Variants in TIAM2 observed in about 807,000 individuals in gnomAD.
The protein encoded by TIAM2 is rho guanine nucleotide exchange factor TIAM2.
Under a neutral mutation model 152.9 loss-of-function variants are expected in TIAM2, and 80 were observed. The ratio of observed to expected loss-of-function variants is 0.52; its 90% CI spans 0.44 to 0.63. The LOEUF (loss-of-function observed/expected upper bound fraction) is 0.63, where lower values mean the gene tolerates loss of function less well. Ranked by LOEUF, TIAM2 falls within the 30% of genes least tolerant of loss-of-function variation. The pLI, the probability that TIAM2 is intolerant of heterozygous loss-of-function variation, is 0.00. For synonymous variants in TIAM2, 804 were observed against 838.0 expected, an observed-to-expected ratio of 0.96 and a Z score of 0.70; for missense variants, 1,965 against 2,120.1, an observed-to-expected ratio of 0.93 and a Z score of 1.44.
At chr6:155,135,019 A>G (rs1409642886) in intron 4 of TIAM2, among the ~76,000 whole-genome samples, 1 of 152,050 alleles carries the variant, frequency 6.6e-6, no homozygotes, top group East Asian at 1.9e-4. Flanking sequence ...GTTTTTGAAA[A>G]GCAACAAATT....
Position 155,061,451 on chromosome 6 carries a change from T to A in TIAM2, c.-208-28838T>A, listed in dbSNP as rs1413895426. 2.0e-5 allele frequency among the ~76,000 whole-genome samples: 3 copies of A among 150,828 alleles called. No homozygotes were observed. In the South Asian group the frequency reaches 6.2e-4, roughly 31 times the overall value. On this transcript the variant is annotated intron_variant, in intron 1 of 26. Transcript: ENST00000682666. ...CTTGAATCCAGTACCAGAGTTAGTTTAGCCTTCCCGCTTTTCGTATTTATA... is the reference window on the plus strand; with the variant it reads ...CTTGAATCCAGTACCAGAGTTAGTTAAGCCTTCCCGCTTTTCGTATTTATA...
intron 5 of TIAM2, among the ~76,000 whole-genome samples, chr6:155,139,855 G>T (rs532679677): frequency 6.6e-6 from 1 of 152,288 alleles, no homozygotes; most frequent in Admixed American, 6.5e-5. Context: ...CTGCAGAATC[G>T]CTTGAACCTG....
intron 9 of TIAM2, chr6:155,168,902 A>C (rs779832696): frequency 1.3e-6 from 2 of 1,535,424 alleles, no homozygotes; most frequent in South Asian, 2.4e-5. Context: ...TCAAAACTCC[A>C]GTAACTCCAG....
chr6:155,073,340 T>C (rs1347952009), intron 1 of TIAM2, among the ~76,000 whole-genome samples: 1 of 151,864 alleles, frequency 6.6e-6, no homozygotes, highest in Non-Finnish European at 1.5e-5. Flanking sequence ...TTTTTGTATT[T>C]TTAGTGGAGA....
Position 155,133,576 on chromosome 6 carries a change from G to A in TIAM2, c.1194+3159G>A, listed in dbSNP as rs528205296. On this transcript the variant is annotated intron_variant, in intron 4 of 26. Coordinates refer to ENST00000682666, the MANE Select transcript of TIAM2 (RefSeq NM_012454.4). ...AACTTATTCCTCCTGCAAAACTGAA[G>A]CTTTGTACCCTTTGAGCAGCATCTT... 2.9e-3 allele frequency among the ~76,000 whole-genome samples: 448 copies of A among 152,160 alleles called. 2 individuals carry two copies. The highest frequency in any genetic ancestry group is 0.01 in the African/African-American group (424 of 41,522).
At chr6:155,195,909 G>A (rs1781333479) in intron 14 of TIAM2, among the ~76,000 whole-genome samples, 1 of 152,240 alleles carries the variant, frequency 6.6e-6, no homozygotes, top group South Asian at 2.1e-4. Flanking sequence ...TGAGAGGTGA[G>A]GCCCAGAGGA....
intron 1 of TIAM2, among the ~76,000 whole-genome samples, chr6:155,065,447 T>C (rs138447593): frequency 3.7e-4 from 57 of 152,278 alleles, no homozygotes; most frequent in African/African-American, 1.3e-3. Context: ...ATTTCAACTG[T>C]GTTTTTTTTT....
chr6:155,144,889 T>A, intron 6 of TIAM2, 111 bp downstream of exon 6: 1 of 1,307,804 alleles, frequency 7.6e-7, no homozygotes, highest in Non-Finnish European at 1.0e-6. Flanking sequence ...TAGTTAGGCT[T>A]TGGATTTGGC....
chr6:155,184,416 C>T (rs1477338930), intron 14 of TIAM2, among the ~76,000 whole-genome samples: 1 of 152,156 alleles, frequency 6.6e-6, no homozygotes, highest in Non-Finnish European at 1.5e-5. Flanking sequence ...ATTTGAAGGT[C>T]TGAAGTTTTG....
chr6:155,150,493 C>G (rs1017465063), intron 7 of TIAM2, among the ~76,000 whole-genome samples: 10 of 151,978 alleles, frequency 6.6e-5, no homozygotes, highest in African/African-American at 2.4e-4. Context: ...CATGGAGAGA[C>G]AATTGGAAGT....
chr6:155,066,606 A>G (rs1777698871), intron 1 of TIAM2, among the ~76,000 whole-genome samples: 1 of 152,076 alleles, frequency 6.6e-6, no homozygotes, highest in Non-Finnish European at 1.5e-5. Flanking sequence ...ATTTTCCTTT[A>G]GTTTTCATCC....
At position 155,034,313 on chromosome 6, in the gene TIAM2, C is replaced by T. The variant is rs528764224; in HGVS notation, c.-209+38821C>T. 5.2e-4 allele frequency among the ~76,000 whole-genome samples: 79 copies of T among 152,196 alleles called. 3 individuals are homozygous for T. The highest frequency in any genetic ancestry group is 1.4e-3 in the African/African-American group (57 of 41,522). ...TTGCCCAGGCTGGAGTGCAATGGCACGGTCTTGGCTCACTGCAACCTCTGC... is the reference window on the plus strand; with the variant it reads ...TTGCCCAGGCTGGAGTGCAATGGCATGGTCTTGGCTCACTGCAACCTCTGC... On this transcript the variant is annotated intron_variant, in intron 1 of 26. Transcript: ENST00000682666.
chr6:155,029,742 C>CTATATATATATATATATATATATA (rs60980296), intron 1 of TIAM2, among the ~76,000 whole-genome samples: 14 of 126,580 alleles, frequency 1.1e-4, no homozygotes, highest in African/African-American at 4.2e-4. Context: ...TAGTATATAA[C>CTATATATATATATATATATATATA]TATATATATA....
In TIAM2 at chr6:155,244,729, T is replaced by C; in HGVS notation, c.3489T>C (p.Asp1163=). ...AGGTGTTTCTGGAGACCCTGGAGGA[T>C]GGGATTTCAGCATCATCTGACTTTA... ...FQKVFLETLE[D]GISASSDFNT... Residue 1163 remains aspartate (D), a synonymous_variant, in exon 18 of 27, where the codon GAT becomes GAC. Coordinates refer to ENST00000682666, the MANE Select transcript of TIAM2 (RefSeq NM_012454.4). 6.2e-7 allele frequency: 1 copy of C among 1,614,046 alleles called. No homozygotes were observed. Among genetic ancestry groups the C allele is most frequent in the Non-Finnish European group, 8.5e-7 (1 of 1,179,986 alleles).
At chr6:155,137,727 C>T in intron 5 of TIAM2, 115 bp downstream of exon 5, 2 of 1,176,554 alleles carry the variant, frequency 1.7e-6, no homozygotes, top group Non-Finnish European at 2.3e-6. Context: ...GGGTTTGACA[C>T]AGGATCCATG....
Position 155,056,608 on chromosome 6 carries a change from A to G in TIAM2, c.-208-33681A>G, listed in dbSNP as rs186470895. On this transcript the variant is annotated intron_variant, in intron 1 of 26. Transcript: ENST00000682666. Reference sequence around the variant, plus strand: ...GATAGTATAATGATACCATTCATTTATCTCTTGACTAACTTATTCTTTTAA... The same window carrying G: ...GATAGTATAATGATACCATTCATTTGTCTCTTGACTAACTTATTCTTTTAA... Among the ~76,000 whole-genome samples, 48 of 147,252 alleles carry G rather than the reference A, an allele frequency of 3.3e-4. No homozygotes were observed. The East Asian group carries it at 0.011, about 32-fold the overall frequency.
rs547955832 is a variant in TIAM2 at position 155,174,311 on chromosome 6, G to C, written c.2362-2505G>C. 6.6e-6 allele frequency among the ~76,000 whole-genome samples: 1 copy of C among 151,974 alleles called. No homozygotes were observed. Among genetic ancestry groups the C allele is most frequent in the Non-Finnish European group, 1.5e-5 (1 of 68,016 alleles). On this transcript the variant is annotated intron_variant, in intron 9 of 26. Transcript: ENST00000682666. This position sits in a 1 kb window ranked among gnomAD's most constrained non-coding sequence, Gnocchi z 4.2. The stretch of plus-strand genomic sequence containing the variant: ...TGGTGCCTTCCTGAGAGGGCTGGCT[G>C]TGAGTGGTGAGTGAACTGATGGCAC...
At chr6:155,206,604 G>T (rs146668225) in intron 14 of TIAM2, among the ~76,000 whole-genome samples, 1 of 152,258 alleles carries the variant, frequency 6.6e-6, no homozygotes, top group African/African-American at 2.4e-5. Context: ...GTGGCACCTT[G>T]TACTTGGTGG....
chr6:155,016,815 G>T (rs928447875), intron 1 of TIAM2, among the ~76,000 whole-genome samples: 1 of 152,150 alleles, frequency 6.6e-6, no homozygotes, highest in Non-Finnish European at 1.5e-5. Context: ...CAGGAGAATC[G>T]CTTGAACCTG....
Sources: gnomAD v4.1 joint callset for allele counts (sites outside exome capture counted in the v4.1 genomes callset) on GRCh38, gnomAD v4.1.1 for gene constraint, Gnocchi (gnomAD v3.1) non-coding constraint, MANE v1.5 for transcripts, NCBI Gene and HGNC (gene_info 2026-07-23, HGNC 2026-07-21) for gene names.